Variants in UNC13C observed in about 807,000 individuals in gnomAD.
The protein encoded by UNC13C is unc-13 homolog C, also known as protein unc-13 homolog C.
Under a neutral mutation model 245.4 loss-of-function variants are expected in UNC13C, and 174 were observed. The observed-to-expected ratio is 0.71, with a 90% CI of 0.63 to 0.80. UNC13C has a LOEUF of 0.80. Ranked by LOEUF, UNC13C falls within the 30% of genes least tolerant of loss-of-function variation. The pLI, the probability that UNC13C is intolerant of heterozygous loss-of-function variation, is 0.00. For missense variants in UNC13C, 2,829 were observed against 2,602.9 expected, an observed-to-expected ratio of 1.09 and a Z score of -1.89; for synonymous variants, 992 against 895.1, an observed-to-expected ratio of 1.11 and a Z score of -1.93.
In UNC13C at chr15:54,321,982, C is replaced by G. The variant is rs751553806; in HGVS notation, c.4312C>G (p.Pro1438Ala). 6.3e-7 allele frequency: 1 copy of G among 1,586,760 alleles called. No homozygotes were observed. Among genetic ancestry groups the G allele is most frequent in the Non-Finnish European group, 8.6e-7 (1 of 1,165,172 alleles). ...LSSKYMCPGV[P>A]AVMSTLLANI... ...TTCTAAATACATGTGCCCCGGTGTC[C>G]CTGCCGTCATGAGCACCTTGCTGGC... Residue 1438 changes from proline (P) to alanine (A), a missense_variant, in exon 14 of 33, where the codon CCT (proline) becomes GCT (alanine). Coordinates refer to ENST00000260323, the MANE Select transcript of UNC13C (RefSeq NM_001080534.3).
intron 15 of UNC13C, among the ~76,000 whole-genome samples, chr15:54,333,320 T>A (rs2038489585): frequency 6.6e-6 from 1 of 152,086 alleles, no homozygotes; most frequent in Non-Finnish European, 1.5e-5. Context: ...CAAACTTATT[T>A]TTTTAACTTT....
chr15:54,009,285 G>T (rs1318999908), intron 1 of UNC13C, among the ~76,000 whole-genome samples: 1 of 151,972 alleles, frequency 6.6e-6, no homozygotes, highest in Admixed American at 6.6e-5. Flanking sequence ...TTCTTAGATT[G>T]CCCCCCACTA....
chr15:54,417,206 A>G (rs2140953772), intron 19 of UNC13C: 1 of 322,836 alleles, frequency 3.1e-6, no homozygotes, highest in Non-Finnish European at 6.1e-6. Context: ...AATAGAAGCT[A>G]CTCAATAACT....
chr15:53,980,715 C>T (rs755143822), intron 1 of UNC13C, among the ~76,000 whole-genome samples: 1 of 152,128 alleles, frequency 6.6e-6, no homozygotes, highest in African/African-American at 2.4e-5. Flanking sequence ...CTGGAAACTC[C>T]TTCCAGAGAT....
intron 1 of UNC13C, among the ~76,000 whole-genome samples, chr15:53,987,724 A>G (rs1286777535): frequency 6.6e-6 from 1 of 152,018 alleles, no homozygotes; most frequent in Non-Finnish European, 1.5e-5. Context: ...AAACATGCAC[A>G]CAAAATTCAG....
intron 17 of UNC13C, among the ~76,000 whole-genome samples, chr15:54,362,239 T>A (rs2039249983): frequency 6.6e-6 from 1 of 152,140 alleles, no homozygotes; most frequent in African/African-American, 2.4e-5. Context: ...GGAACTGGAG[T>A]TGGCTTCCCA....
the UNC13C span, among the ~76,000 whole-genome samples, chr15:53,875,926 A>G: frequency 6.6e-6 from 1 of 152,156 alleles, no homozygotes; most frequent in Admixed American, 6.6e-5. Flanking sequence ...TCCTTGGAAC[A>G]AAAGGTGGTA....
chr15:54,269,442 A>T (rs1240836426), intron 10 of UNC13C, among the ~76,000 whole-genome samples: 1 of 152,192 alleles, frequency 6.6e-6, no homozygotes, highest in African/African-American at 2.4e-5. Flanking sequence ...GTCAAAGAGA[A>T]TAAAATTTCT....
At chr15:54,095,696 T>TCTA (rs1899821461) in intron 2 of UNC13C, among the ~76,000 whole-genome samples, 2 of 152,160 alleles carry the variant, frequency 1.3e-5, no homozygotes, top group African/African-American at 4.8e-5. Flanking sequence ...AGCACTAGCT[T>TCTA]AGAGTACTCG....
chr15:54,397,326 A>T (rs2040091542), intron 18 of UNC13C, among the ~76,000 whole-genome samples: 1 of 151,502 alleles, frequency 6.6e-6, no homozygotes, highest in South Asian at 2.1e-4. Flanking sequence ...AGAAAACTCA[A>T]TTGACTGTAT....
At chr15:54,417,232 A>G (rs1364474989) in intron 19 of UNC13C, among the ~76,000 whole-genome samples, 1 of 152,196 alleles carries the variant, frequency 6.6e-6, no homozygotes, top group Non-Finnish European at 1.5e-5. Context: ...TTGAACAAAT[A>G]AATTGCCAAC....
chr15:54,483,318 T>C (rs999054298), intron 19 of UNC13C, among the ~76,000 whole-genome samples: 5 of 152,206 alleles, frequency 3.3e-5, no homozygotes, highest in Non-Finnish European at 5.9e-5. Context: ...TGAATGCTTA[T>C]ATTCACCTGA....
At chr15:54,171,386 G>T (rs774722505) in intron 4 of UNC13C, among the ~76,000 whole-genome samples, 5 of 151,794 alleles carry the variant, frequency 3.3e-5, no homozygotes, top group Admixed American at 1.3e-4. Flanking sequence ...ATATACAAGG[G>T]ACTCAAACAA....
chr15:53,955,281 A>G, the UNC13C span, among the ~76,000 whole-genome samples: 4 of 151,678 alleles, frequency 2.6e-5, no homozygotes, highest in African/African-American at 9.7e-5. Flanking sequence ...ACACACACAC[A>G]CACACACACA....
At chr15:53,985,523 G>T (rs1894102418) in intron 1 of UNC13C, among the ~76,000 whole-genome samples, 1 of 151,942 alleles carries the variant, frequency 6.6e-6, no homozygotes, top group African/African-American at 2.4e-5. Context: ...CTGGGAACAA[G>T]AAGAGAGATT....
chr15:54,017,342 G>C (rs1895706775), intron 2 of UNC13C, among the ~76,000 whole-genome samples: 1 of 152,072 alleles, frequency 6.6e-6, no homozygotes, highest in African/African-American at 2.4e-5. Context: ...ATATTGGAGT[G>C]ATTTTTGAGA....
chr15:53,946,885 G>C, the UNC13C span, among the ~76,000 whole-genome samples: 24 of 152,070 alleles, frequency 1.6e-4, no homozygotes, highest in Admixed American at 1.4e-3. Context: ...TATCCTGCTG[G>C]ATTTGGTTTG....
chr15:54,420,328 G>C (rs377660625), intron 19 of UNC13C, among the ~76,000 whole-genome samples: 2 of 152,016 alleles, frequency 1.3e-5, no homozygotes, highest in South Asian at 2.1e-4. Context: ...TCTCAGCATG[G>C]ACCTCTCCAC....
upstream of UNC13C, among the ~76,000 whole-genome samples, chr15:53,974,488 G>A (rs1348477729): frequency 3.9e-5 from 6 of 152,262 alleles, no homozygotes; most frequent in Middle Eastern, 3.4e-3. Context: ...CAAGGAGCTC[G>A]CAGTCCAGCA....
Sources: allele counts gnomAD v4.1 joint callset (sites outside exome capture counted in the v4.1 genomes callset), GRCh38; gene constraint gnomAD v4.1.1; transcripts MANE v1.5; gene names NCBI Gene and HGNC (gene_info 2026-07-23, HGNC 2026-07-21).